LINC00305: variants seen among roughly 807,000 people sequenced by gnomAD.
LINC00305 encodes the protein long independently transcribed non-coding RNA 305.
chr18:64,140,232 A>G (rs2144277505), intron 1 of LINC00305, among the ~76,000 whole-genome samples: 1 of 151,758 alleles, frequency 6.6e-6, no homozygotes, highest in South Asian at 2.1e-4. Context: ...TTTTTGAGAC[A>G]GAGTCTCACT....
chr18:64,096,005 TCTC>T (rs1431714907), intron 3 of LINC00305, among the ~76,000 whole-genome samples: 8 of 151,984 alleles, frequency 5.3e-5, no homozygotes, highest in African/African-American at 1.9e-4. Context: ...CTAGAAGAAT[TCTC>T]ACAGAGTTCT....
At chr18:64,133,891 T>C (rs1329643933) in intron 1 of LINC00305, among the ~76,000 whole-genome samples, 1 of 152,196 alleles carries the variant, frequency 6.6e-6, no homozygotes, top group African/African-American at 2.4e-5. Context: ...TTTTCCCTTT[T>C]CCTAAATGTC....
chr18:64,131,433 C>G (rs1428314132), intron 1 of LINC00305, among the ~76,000 whole-genome samples: 1 of 152,126 alleles, frequency 6.6e-6, no homozygotes, highest in Non-Finnish European at 1.5e-5. Context: ...ATAGGAAAAG[C>G]TAAATCTACA....
intron 3 of LINC00305, among the ~76,000 whole-genome samples, chr18:64,085,913 C>A (rs1033137137): frequency 6.6e-6 from 1 of 152,174 alleles, no homozygotes; most frequent in East Asian, 1.9e-4. Flanking sequence ...ATGGGAATTG[C>A]CTTTCTTAAA....
intron 1 of LINC00305, among the ~76,000 whole-genome samples, chr18:64,105,830 G>A (rs2051288093): frequency 6.6e-6 from 1 of 152,214 alleles, no homozygotes; most frequent in Non-Finnish European, 1.5e-5. Context: ...GTAGGTGAGA[G>A]AAGCATCACA....
intron 1 of LINC00305, among the ~76,000 whole-genome samples, chr18:64,144,667 C>T (rs1315636259): frequency 6.6e-6 from 1 of 152,120 alleles, no homozygotes; most frequent in East Asian, 1.9e-4. Flanking sequence ...TGCCACCACA[C>T]ACAGTGTAGG....
chr18:64,135,862 A>G (rs2051430985), intron 1 of LINC00305, among the ~76,000 whole-genome samples: 1 of 152,164 alleles, frequency 6.6e-6, no homozygotes. Flanking sequence ...TAAAGGCATG[A>G]GCCACTGTGC....
chr18:64,138,517 T>C (rs1437751159), intron 1 of LINC00305, among the ~76,000 whole-genome samples: 2 of 152,230 alleles, frequency 1.3e-5, no homozygotes, highest in Admixed American at 6.5e-5. Flanking sequence ...TGACAGCCCT[T>C]TCTCAAGTTT....
intron 3 of LINC00305, among the ~76,000 whole-genome samples, chr18:64,097,523 AGGTGTCTTTTATAT>A (rs2051249422): frequency 6.6e-6 from 1 of 152,052 alleles, no homozygotes; most frequent in Non-Finnish European, 1.5e-5. Context: ...TTTGAGCACA[AGGTGTCTTTTATAT>A]AATTTCAGAT....
At chr18:64,114,332 G>A (rs2051328323) in intron 1 of LINC00305, among the ~76,000 whole-genome samples, 1 of 152,190 alleles carries the variant, frequency 6.6e-6, no homozygotes, top group Admixed American at 6.5e-5. Context: ...AATGTCTTCT[G>A]AATTCTACTT....
At chr18:64,105,718 C>A (rs2051287631) in intron 1 of LINC00305, among the ~76,000 whole-genome samples, 1 of 152,108 alleles carries the variant, frequency 6.6e-6, no homozygotes, top group South Asian at 2.1e-4. Context: ...AATTTTGATC[C>A]ATGCGGTTGC....
At chr18:64,143,629 T>TACATATGTATACATATGTATGA (rs2051479178) in intron 1 of LINC00305, among the ~76,000 whole-genome samples, 1 of 115,946 alleles carries the variant, frequency 8.6e-6, no homozygotes, top group African/African-American at 3.7e-5. Flanking sequence ...CATATGTATG[T>TACATATGTATACATATGTATGA]ACACGTATTA....
At chr18:64,143,811 AC>A (rs2051483410) in intron 1 of LINC00305, among the ~76,000 whole-genome samples, 1 of 151,696 alleles carries the variant, frequency 6.6e-6, no homozygotes, top group African/African-American at 2.4e-5. Flanking sequence ...ATGTATGTAT[AC>A]ATATATACAC....
intron 3 of LINC00305, among the ~76,000 whole-genome samples, chr18:64,084,529 C>G (rs552313984): frequency 3.3e-5 from 5 of 152,274 alleles, no homozygotes; most frequent in African/African-American, 1.2e-4. Flanking sequence ...TTTTCTTTAG[C>G]CTTCATATTT....
At chr18:64,118,158 A>C (rs1447853542) in intron 1 of LINC00305, among the ~76,000 whole-genome samples, 1 of 152,192 alleles carries the variant, frequency 6.6e-6, no homozygotes, top group Non-Finnish European at 1.5e-5. Context: ...TGGACAAATA[A>C]AGCAAGCTTA....
At chr18:64,131,081 C>T (rs780669412) in intron 1 of LINC00305, among the ~76,000 whole-genome samples, 29 of 152,130 alleles carry the variant, frequency 1.9e-4, no homozygotes, top group Non-Finnish European at 3.2e-4. Context: ...TTACCTAACT[C>T]GTAGACTCCT....
intron 1 of LINC00305, among the ~76,000 whole-genome samples, chr18:64,098,924 T>C (rs2051257668): frequency 6.6e-6 from 1 of 152,084 alleles, no homozygotes; most frequent in Admixed American, 6.6e-5. Context: ...AGCATTGAAG[T>C]TTCATACAAT....
chr18:64,108,538 AAGGCCTCTTAG>A (rs1170650701), intron 1 of LINC00305, among the ~76,000 whole-genome samples: 1 of 152,202 alleles, frequency 6.6e-6, no homozygotes, highest in Non-Finnish European at 1.5e-5. Context: ...TTGGTCACAG[AAGGCCTCTTAG>A]AGTTGTCTCC....
intron 1 of LINC00305, among the ~76,000 whole-genome samples, chr18:64,108,489 A>G (rs1003114482): frequency 2.0e-5 from 3 of 152,208 alleles, no homozygotes; most frequent in Non-Finnish European, 4.4e-5. Flanking sequence ...CATAACTGCT[A>G]CTGCTGTTTT....
Sources: gnomAD v4.1 joint callset for allele counts (sites outside exome capture counted in the v4.1 genomes callset) on GRCh38, gnomAD v4.1.1 for gene constraint, MANE v1.5 for transcripts, NCBI Gene and HGNC (gene_info 2026-07-23, HGNC 2026-07-21) for gene names.